The following EPHA6 variants were observed in gnomAD, a reference collection of about 807,000 sequenced individuals.
The protein encoded by EPHA6 is EPH receptor A6.
In EPHA6, 50 loss-of-function variants were observed where a neutral mutation model predicts 112.0. That is an observed-to-expected ratio of 0.45 (90% CI 0.36 to 0.56). The LOEUF is 0.56. EPHA6 is among the 20% of genes least tolerant of loss of function. The pLI is 0.00. For synonymous variants in EPHA6, 529 were observed against 490.7 expected (o/e 1.08, Z -1.03); for missense variants, 1,280 against 1,417.4 (o/e 0.90, Z 1.56).
chr3:97,736,883 T>A (rs2035286591), intron 16 of EPHA6, among the ~76,000 whole-genome samples: 1 of 152,052 alleles, frequency 6.6e-6, no homozygotes, highest in Admixed American at 6.6e-5. Context: ...GACTTAGAAA[T>A]AACCAGTGCA....
At chr3:96,818,356 A>C (rs891219279) in intron 1 of EPHA6, among the ~76,000 whole-genome samples, 1 of 151,972 alleles carries the variant, frequency 6.6e-6, no homozygotes, top group Non-Finnish European at 1.5e-5. Context: ...CAAATAATCA[A>C]TTGCATACTC....
intron 8 of EPHA6, among the ~76,000 whole-genome samples, chr3:97,478,742 C>T (rs1351184684): frequency 6.6e-6 from 1 of 152,074 alleles, no homozygotes; most frequent in South Asian, 2.1e-4. Context: ...AATTATGTAA[C>T]ACAGACGTAC....
chr3:97,564,388 T>C (rs931473728), intron 11 of EPHA6, among the ~76,000 whole-genome samples: 3 of 152,170 alleles, frequency 2.0e-5, no homozygotes, highest in Non-Finnish European at 4.4e-5. Flanking sequence ...ATAATAGTCA[T>C]AATAATTCTG....
intron 3 of EPHA6, among the ~76,000 whole-genome samples, chr3:97,009,002 TC>T (rs2043985686): frequency 6.6e-6 from 1 of 152,104 alleles, no homozygotes; most frequent in South Asian, 2.1e-4. Flanking sequence ...GGGTGCCTTC[TC>T]CTTCTTTTGG....
chr3:96,953,831 C>T (rs1297195273), intron 2 of EPHA6, among the ~76,000 whole-genome samples: 1 of 152,044 alleles, frequency 6.6e-6, no homozygotes, highest in Non-Finnish European at 1.5e-5. Context: ...TACTGCTGCT[C>T]TTCAAATCCA....
At chr3:96,914,544 A>T (rs940464418) in intron 2 of EPHA6, among the ~76,000 whole-genome samples, 1 of 152,160 alleles carries the variant, frequency 6.6e-6, no homozygotes. Flanking sequence ...TTTAATAGAG[A>T]CGAAGCGTTC....
At chr3:97,012,626 T>A (rs904533393) in intron 3 of EPHA6, among the ~76,000 whole-genome samples, 4 of 124,424 alleles carry the variant, frequency 3.2e-5, no homozygotes, top group African/African-American at 1.5e-4. Flanking sequence ...TATATATGTA[T>A]TTTTTTTTTT....
chr3:96,996,420 G>T (rs2043424816), intron 3 of EPHA6, among the ~76,000 whole-genome samples: 1 of 152,000 alleles, frequency 6.6e-6, no homozygotes, highest in Admixed American at 6.6e-5. Context: ...AGTTTACTTT[G>T]CCGGATCCAT....
intron 3 of EPHA6, among the ~76,000 whole-genome samples, chr3:97,034,566 G>C (rs1477300908): frequency 6.6e-6 from 1 of 151,820 alleles, no homozygotes; most frequent in African/African-American, 2.4e-5. Flanking sequence ...GTCACCTCCA[G>C]CTATAAATTA....
chr3:96,825,179 C>A (rs1029356094), intron 1 of EPHA6, among the ~76,000 whole-genome samples: 1 of 151,700 alleles, frequency 6.6e-6, no homozygotes, highest in Non-Finnish European at 1.5e-5. Context: ...AAGATTAAAA[C>A]TTATGCATTT....
At chr3:97,368,371 A>T (rs1027085844) in intron 5 of EPHA6, among the ~76,000 whole-genome samples, 12 of 152,198 alleles carry the variant, frequency 7.9e-5, no homozygotes, top group Admixed American at 7.9e-4. Flanking sequence ...ATGATAAAGA[A>T]GTCAACAATA....
chr3:97,641,600 C>G lies in EPHA6; in HGVS notation c.2784+3518C>G, dbSNP rs558806357. On this transcript the variant is annotated intron_variant, in intron 14 of 17. Coordinates refer to ENST00000389672, the MANE Select transcript of EPHA6 (RefSeq NM_001080448.3). ...TGGGTGCAGCGCACCATGCGCGAGC[C>G]GAAGCAGAGCGAGGCATTGCCTCCC... Among the ~76,000 whole-genome samples, 8 of 152,316 alleles carry G rather than the reference C, an allele frequency of 5.3e-5. No individual in the cohort carries two copies. The East Asian group carries it at 5.8e-4, about 11-fold the overall frequency.
At chr3:96,857,163 A>G (rs2035747424) in intron 1 of EPHA6, among the ~76,000 whole-genome samples, 1 of 152,170 alleles carries the variant, frequency 6.6e-6, no homozygotes, top group African/African-American at 2.4e-5. Context: ...TAGGGAACCC[A>G]TGTTGAATGA....
chr3:97,063,645 C>T (rs2046092961), intron 3 of EPHA6, among the ~76,000 whole-genome samples: 1 of 152,024 alleles, frequency 6.6e-6, no homozygotes, highest in African/African-American at 2.4e-5. Context: ...ATCACCATGG[C>T]ACACGTTTAC....
In EPHA6 at chr3:96,814,653, G is replaced by A; in HGVS notation, c.30G>A (p.Arg10=). 1 of 1,475,740 alleles carries A rather than the reference G, an allele frequency of 6.8e-7. No individual in the cohort carries two copies. The highest frequency in any genetic ancestry group is 9.0e-7 in the Non-Finnish European group (1 of 1,112,984). The allele number at this position is 1,475,740 out of a possible 1,614,324, so 91.4% of individuals were successfully genotyped here. A position where few individuals can be genotyped will look rare whatever the true frequency, so the allele number is the denominator to read the frequency against. Residue 10 remains arginine, a synonymous_variant, in exon 1 of 18, where the codon AGG becomes AGA. Coordinates refer to ENST00000389672, the MANE Select transcript of EPHA6 (RefSeq NM_001080448.3). ...AATTCCCCTCGCCTCCAGCCGCGAG[G>A]AGCTCCCCGGCGCCGCAGGCAGCGT... The part of the protein sequence containing the change: MQFPSPPAA[R]SSPAPQAASS...
chr3:96,982,097 C>A (rs888800627), intron 2 of EPHA6, among the ~76,000 whole-genome samples: 2 of 152,094 alleles, frequency 1.3e-5, no homozygotes, highest in Non-Finnish European at 2.9e-5. Flanking sequence ...CTTCTGCTAG[C>A]TTTTGAATGT....
At chr3:96,979,065 T>A (rs1219026253) in intron 2 of EPHA6, among the ~76,000 whole-genome samples, 1 of 151,838 alleles carries the variant, frequency 6.6e-6, no homozygotes, top group Non-Finnish European at 1.5e-5. Flanking sequence ...ATATAATTCT[T>A]TTTTTTTATA....
chr3:97,667,894 C>T (rs2030321394), intron 14 of EPHA6, among the ~76,000 whole-genome samples: 1 of 152,136 alleles, frequency 6.6e-6, no homozygotes, highest in South Asian at 2.1e-4. Flanking sequence ...TGTTGACTCG[C>T]TCGTAACTTC....
intron 4 of EPHA6, among the ~76,000 whole-genome samples, chr3:97,226,873 TC>T (rs1331012702): frequency 6.6e-6 from 1 of 152,202 alleles, no homozygotes; most frequent in Non-Finnish European, 1.5e-5. Flanking sequence ...GTAGAAAAGT[TC>T]AAGTTCCCTT....
Sources: allele counts gnomAD v4.1 joint callset (sites outside exome capture counted in the v4.1 genomes callset), GRCh38; gene constraint gnomAD v4.1.1; transcripts MANE v1.5; gene names NCBI Gene and HGNC (gene_info 2026-07-23, HGNC 2026-07-21).